Variants in B3GALNT1 observed in about 807,000 individuals in gnomAD.
B3GALNT1 encodes the protein beta-1,3-N-acetylgalactosaminyltransferase 1 (Globoside blood group).
In B3GALNT1, 17 loss-of-function variants were observed where a neutral mutation model predicts 27.3. The ratio of observed to expected loss-of-function variants is 0.62; its 90% confidence interval spans 0.43 to 0.94. The LOEUF is 0.94. Among genes scored for constraint, B3GALNT1 ranks in the 40% least tolerant of loss-of-function variants. The pLI is 0.00. For synonymous variants in B3GALNT1, 141 were observed against 144.0 expected, an observed-to-expected ratio of 0.98 and a Z score of 0.15; for missense variants, 347 against 390.0, an observed-to-expected ratio of 0.89 and a Z score of 0.93.
Position 161,105,318 on chromosome 3 carries a change from T to C in B3GALNT1, c.-392A>G, listed in dbSNP as rs1321486557. 4 of 151,956 alleles carry C rather than the reference T, an allele frequency of 2.6e-5. No homozygotes were observed. Among genetic ancestry groups the C allele is most frequent in the Non-Finnish European group, 4.4e-5 (3 of 68,012 alleles). The allele number at this position is 151,956 out of a possible 1,614,324, so 9.4% of individuals were successfully genotyped here. On this transcript the variant is annotated 5_prime_UTR_variant, in exon 1 of 5. It removes an upstream start codon present in the reference 5' UTR. Coordinates refer to ENST00000320474, the MANE Select transcript of B3GALNT1 (RefSeq NM_003781.4). ...TGCGCACACACGCAGCCTCCCCGCA[T>C]CCGCACGCACGGCCGGGCGCGCGCA...
At chr3:161,101,101 T>C (rs1730986795) in intron 4 of B3GALNT1, 38 bp downstream of exon 4, 1 of 1,273,560 alleles carries the variant, frequency 7.9e-7, no homozygotes. Flanking sequence ...CTGAGATTCC[T>C]GGGCAGGGAG....
Position 161,086,523 on chromosome 3 carries a change from G to A in B3GALNT1, c.232C>T (p.Pro78Ser). Residue 78 changes from proline to serine, a missense_variant, in exon 5 of 5, where the codon CCA (proline) becomes TCA (serine). Physicochemically the swap from Pro to Ser is moderately conservative, Grantham distance 74. Transcript: ENST00000320474. ...GAGGTCACCAGAATGACCAGAAATG[G>A]ATTTTGATGAGAGCAGTTTGAATGC... ...REHSNCSHQN[P>S]FLVILVTSHP... 1 of 1,614,174 alleles carries A rather than the reference G, an allele frequency of 6.2e-7. No individual in the cohort carries two copies. The highest frequency in any genetic ancestry group is 2.2e-5 in the East Asian group (1 of 44,886).
chr3:161,101,188 A>G lies in B3GALNT1; in HGVS notation c.-84T>C, dbSNP rs1468259748. 3 of 1,289,792 alleles carry G rather than the reference A, an allele frequency of 2.3e-6. No individual in the cohort carries two copies. The highest frequency in any genetic ancestry group is 3.0e-5 in the African/African-American group (2 of 65,858). 79.9% of individuals were successfully genotyped at this position (1,289,792 alleles called of 1,614,324 possible). A position where few individuals can be genotyped will look rare whatever the true frequency, so the allele number is the denominator to read the frequency against. ...GAGAGCACCACGTGATAGAGCAGCCAGCGGGAAGAGCCAACAGGTCAACCG... is the reference window on the plus strand; with the variant it reads ...GAGAGCACCACGTGATAGAGCAGCCGGCGGGAAGAGCCAACAGGTCAACCG... On this transcript the variant is annotated 5_prime_UTR_variant, in exon 4 of 5. Coordinates refer to ENST00000320474, the MANE Select transcript of B3GALNT1 (RefSeq NM_003781.4).
At chr3:161,094,371 C>T (rs1405726794) in intron 4 of B3GALNT1, among the ~76,000 whole-genome samples, 1 of 152,140 alleles carries the variant, frequency 6.6e-6, no homozygotes, top group Non-Finnish European at 1.5e-5. Context: ...CAGATATACA[C>T]CTTTTTATTT....
intron 4 of B3GALNT1, among the ~76,000 whole-genome samples, chr3:161,099,564 C>G (rs945721283): frequency 6.6e-6 from 1 of 152,156 alleles, no homozygotes; most frequent in Non-Finnish European, 1.5e-5. Context: ...CTAGTTCTGG[C>G]AGGGAGGCCA....
rs1721331493 is a variant in B3GALNT1 at position 161,085,783 on chromosome 3, T to C, written c.972A>G (p.Leu324=). 1.9e-6 allele frequency: 3 copies of C among 1,614,150 alleles called. No individual in the cohort carries two copies. Among genetic ancestry groups the C allele is most frequent in the Non-Finnish European group, 2.5e-6 (3 of 1,180,010 alleles). Residue 324 remains leucine, a synonymous_variant, in exon 5 of 5, where the codon CTA becomes CTG. Transcript: ENST00000320474. ...KEIITFWQVM[L]RNTTCHY Reference sequence around the variant, plus strand: ...GTTAATAATGGCATGTGGTGTTCCTTAGCATGACCTGCCAAAAAGTGATGA... The same window carrying C: ...GTTAATAATGGCATGTGGTGTTCCTCAGCATGACCTGCCAAAAAGTGATGA...
In B3GALNT1 at chr3:161,100,721, G is replaced by GA. The variant is rs368098790; in HGVS notation, c.-35+417dup. 4.9e-3 allele frequency among the ~76,000 whole-genome samples: 745 copies of GA among 152,138 alleles called. 4 individuals carry two copies. Among genetic ancestry groups the GA allele is most frequent in the Non-Finnish European group, 8.6e-3 (584 of 68,006 alleles). ...AACAAAAGCAGCAGGACTTTAGAAG[G>GA]AAAATTTAGCCGCAATTTTCTTTTT... On this transcript the variant is annotated intron_variant, in intron 4 of 4. Coordinates refer to ENST00000320474, the MANE Select transcript of B3GALNT1 (RefSeq NM_003781.4).
At chr3:161,101,050 G>T in intron 4 of B3GALNT1, 89 bp downstream of exon 4, 1 of 997,648 alleles carries the variant, frequency 1.0e-6, no homozygotes, top group Non-Finnish European at 1.4e-6. Flanking sequence ...AGGGCACAGT[G>T]CCCCAGGAGA....
intron 3 of B3GALNT1, 99 bp from the exon 4 acceptor site, chr3:161,101,332 C>T (rs1160796269): frequency 1.5e-6 from 1 of 648,350 alleles, no homozygotes. Flanking sequence ...GAGCTTTATC[C>T]ACTGGAGGAA....
chr3:161,091,120 T>C (rs1022798210), intron 4 of B3GALNT1, among the ~76,000 whole-genome samples: 4 of 151,824 alleles, frequency 2.6e-5, no homozygotes, highest in Non-Finnish European at 5.9e-5. Context: ...AATAATAAAA[T>C]TAGCCAGGCA....
At position 161,097,433 on chromosome 3, in the gene B3GALNT1, G is replaced by A. The variant is rs140436777; in HGVS notation, c.-35+3706C>T. Reference sequence around the variant, plus strand: ...TGTCTTACATGGCATGACATGCTCTGTAATACAATTAAACATGCAAATAAA... The same window carrying A: ...TGTCTTACATGGCATGACATGCTCTATAATACAATTAAACATGCAAATAAA... On this transcript the variant is annotated intron_variant, in intron 4 of 4. Transcript: ENST00000320474. 1.5e-3 allele frequency among the ~76,000 whole-genome samples: 223 copies of A among 152,264 alleles called. 1 individual carries two copies. Among genetic ancestry groups the A allele is most frequent in the African/African-American group, 4.9e-3 (204 of 41,534 alleles).
intron 3 of B3GALNT1, among the ~76,000 whole-genome samples, chr3:161,101,871 A>G (rs1423028087): frequency 6.6e-6 from 1 of 152,246 alleles, no homozygotes; most frequent in African/African-American, 2.4e-5. Flanking sequence ...TGTAACCAAA[A>G]TAGCAGCCAA....
intron 4 of B3GALNT1, among the ~76,000 whole-genome samples, chr3:161,097,395 T>C (rs1728779243): frequency 6.6e-6 from 1 of 152,244 alleles, no homozygotes; most frequent in Non-Finnish European, 1.5e-5. Context: ...ACCTTGCTCC[T>C]AACTCCCAAA....
chr3:161,091,108 A>C (rs550712441), intron 4 of B3GALNT1, among the ~76,000 whole-genome samples: 1 of 152,060 alleles, frequency 6.6e-6, no homozygotes, highest in African/African-American at 2.4e-5. Context: ...TCTCTACAAA[A>C]GAATAATAAA....
chr3:161,084,337 G>A lies in B3GALNT1; in HGVS notation c.*1422C>T, dbSNP rs1576638806. On this transcript the variant is annotated 3_prime_UTR_variant, in exon 5 of 5. Transcript: ENST00000320474. ...GAAACAGACATCACCTTGTTATACA[G>A]AATCACACATTATAGTTTTAACTGA... The A allele has an allele frequency of 6.6e-6, 1 of 152,306 alleles. No individual in the cohort carries two copies. Among genetic ancestry groups the A allele is most frequent in the South Asian group, 2.1e-4 (1 of 4,822 alleles). 9.4% of individuals were successfully genotyped at this position (152,306 alleles called of 1,614,324 possible).
chr3:161,086,874 G>A (rs1275695730), intron 4 of B3GALNT1, 86 bp from the exon 5 acceptor site: 1 of 1,382,834 alleles, frequency 7.2e-7, no homozygotes, highest in Non-Finnish European at 1.0e-6. Flanking sequence ...CAAGGAGAAA[G>A]AGTAGGAGAA....
At position 161,103,460 on chromosome 3, in the gene B3GALNT1, TTTTTG is replaced by T; in HGVS notation, c.-168_-164del. The T allele has an allele frequency of 7.8e-7, 1 of 1,282,680 alleles. No homozygotes were observed. Among genetic ancestry groups the T allele is most frequent in the African/African-American group, 1.5e-5 (1 of 65,800 alleles). 79.5% of individuals were successfully genotyped at this position (1,282,680 alleles called of 1,614,324 possible). A position where few individuals can be genotyped will look rare whatever the true frequency, so the allele number is the denominator to read the frequency against. ...TTCCAGATGAAATTAAAGCTTAAGT[TTTTTG>T]TTGTTTTCTGTATTCCATGCTTAAT... On this transcript the variant is annotated 5_prime_UTR_variant, in exon 3 of 5. It removes the in-frame stop codon of an upstream open reading frame in the 5' UTR. Coordinates refer to ENST00000320474, the MANE Select transcript of B3GALNT1 (RefSeq NM_003781.4).
At chr3:161,095,052 G>C (rs773150651) in intron 4 of B3GALNT1, among the ~76,000 whole-genome samples, 1 of 151,912 alleles carries the variant, frequency 6.6e-6, no homozygotes, top group Non-Finnish European at 1.5e-5. Context: ...AGCTGGTCTC[G>C]AACTCCTGGA....
rs1468460902 is a variant in B3GALNT1 at position 161,104,758 on chromosome 3, G to A, written c.-308-352C>T. The A allele has an allele frequency of 2.8e-5, 5 of 181,164 alleles. No individual in the cohort carries two copies. The Admixed American group carries it at 3.0e-4, about 11-fold the overall frequency. 11.2% of individuals were successfully genotyped at this position (181,164 alleles called of 1,614,324 possible). A position where few individuals can be genotyped will look rare whatever the true frequency, so the allele number is the denominator to read the frequency against. On this transcript the variant is annotated intron_variant, in intron 1 of 4. Transcript: ENST00000320474. Reference sequence around the variant, plus strand: ...CTAGCGCTCCGGGAAAGCGTTCGCCGCAGGCCTGTTAGGGGCCCACCAATA... The same window carrying A: ...CTAGCGCTCCGGGAAAGCGTTCGCCACAGGCCTGTTAGGGGCCCACCAATA...
Sources: allele counts gnomAD v4.1 joint callset (sites outside exome capture counted in the v4.1 genomes callset), GRCh38; gene constraint gnomAD v4.1.1; transcripts MANE v1.5; gene names NCBI Gene and HGNC (gene_info 2026-07-23, HGNC 2026-07-21).